MOB1A: variants seen among roughly 807,000 people sequenced by gnomAD.
MOB1A encodes the protein MOB kinase activator 1A, also known as MOB1 Mps One Binder homolog A.
Under a neutral mutation model 25.1 loss-of-function variants are expected in MOB1A, and 10 were observed. The observed-to-expected ratio is 0.40, with a 90% CI of 0.25 to 0.68. MOB1A has a LOEUF of 0.68. MOB1A is among the 30% of genes least tolerant of loss of function. MOB1A has a pLI of 0.40. For missense variants in MOB1A, 177 were observed against 256.3 expected, an observed-to-expected ratio of 0.69 and a Z score of 2.11; for synonymous variants, 81 against 79.5, an observed-to-expected ratio of 1.02 and a Z score of -0.10.
chr2:74,162,211 T>C (rs1018667615), intron 4 of MOB1A, among the ~76,000 whole-genome samples: 1 of 152,116 alleles, frequency 6.6e-6, no homozygotes, highest in African/African-American at 2.4e-5. Context: ...CCAGGCATGG[T>C]GGCTCATGCC....
intron 4 of MOB1A, among the ~76,000 whole-genome samples, chr2:74,162,099 T>G (rs746433863): frequency 1.3e-5 from 2 of 152,174 alleles, no homozygotes; most frequent in Non-Finnish European, 2.9e-5. Flanking sequence ...ACTAAATAAC[T>G]GGCAAAAGTA....
At position 74,152,892 on chromosome 2, in the gene MOB1A, G is replaced by C. The variant is rs1427724540; in HGVS notation, c.*3676C>G. On this transcript the variant is annotated 3_prime_UTR_variant, in exon 6 of 6. Transcript: ENST00000396049. ...TGTTTGGAACAGAATCTGATAATGAGAGAAAACTCAAATGAATGTCAGTGC... is the reference window on the plus strand; with the variant it reads ...TGTTTGGAACAGAATCTGATAATGACAGAAAACTCAAATGAATGTCAGTGC... 6.6e-6 allele frequency: 1 copy of C among 152,140 alleles called. No individual in the cohort carries two copies. Among genetic ancestry groups the C allele is most frequent in the African/African-American group, 2.4e-5 (1 of 41,434 alleles). 9.4% of individuals were successfully genotyped at this position (152,140 alleles called of 1,614,324 possible).
At chr2:74,177,261 C>G (rs1400231333) in intron 1 of MOB1A, among the ~76,000 whole-genome samples, 1 of 151,472 alleles carries the variant, frequency 6.6e-6, no homozygotes, top group Non-Finnish European at 1.5e-5. Context: ...TGCAGTGAGC[C>G]GAGACCGTGC....
At chr2:74,176,519 CT>C (rs1433033416) in intron 1 of MOB1A, among the ~76,000 whole-genome samples, 4 of 151,816 alleles carry the variant, frequency 2.6e-5, no homozygotes, top group Non-Finnish European at 5.9e-5. Flanking sequence ...AATCCCTGCA[CT>C]TTGGGAGGCC....
At chr2:74,174,095 G>A (rs182861492) in intron 1 of MOB1A, among the ~76,000 whole-genome samples, 262 of 144,010 alleles carry the variant, frequency 1.8e-3, no homozygotes, top group Non-Finnish European at 2.6e-3. Context: ...GTGAAACCCC[G>A]TCTCCACTAA....
At chr2:74,171,298 A>AT (rs1384860209) in intron 2 of MOB1A, among the ~76,000 whole-genome samples, 1 of 151,314 alleles carries the variant, frequency 6.6e-6, no homozygotes, top group African/African-American at 2.5e-5. Flanking sequence ...AAAAAATAAA[A>AT]TAAAAAAAAA....
At chr2:74,177,055 T>C (rs548397603) in intron 1 of MOB1A, among the ~76,000 whole-genome samples, 2 of 152,078 alleles carry the variant, frequency 1.3e-5, no homozygotes, top group Non-Finnish European at 2.9e-5. Flanking sequence ...GGCCAAGTTT[T>C]AAAAAAAGAA....
intron 4 of MOB1A, chr2:74,163,965 T>G (rs1490705096): frequency 6.6e-6 from 1 of 152,086 alleles, no homozygotes; most frequent in African/African-American, 2.4e-5. Context: ...TATCCCAGAA[T>G]AGCTGTGAAT....
chr2:74,176,856 A>G (rs1251647155), intron 1 of MOB1A, among the ~76,000 whole-genome samples: 2 of 152,116 alleles, frequency 1.3e-5, no homozygotes, highest in Non-Finnish European at 1.5e-5. Context: ...AAAATGGTGC[A>G]GCACTTTGAA....
At chr2:74,167,695 G>C (rs959289650) in intron 2 of MOB1A, among the ~76,000 whole-genome samples, 1 of 152,196 alleles carries the variant, frequency 6.6e-6, no homozygotes, top group African/African-American at 2.4e-5. Flanking sequence ...AGGTGCACCA[G>C]CTGTATCCAG....
Position 74,159,241 on chromosome 2 carries a change from G to T in MOB1A, c.423C>A (p.Pro141=). ...LFPSKIGVPF[P]KNFMSVAKTI... is the part of the protein sequence containing the mutation. ...TCTTTGCCACAGACATAAAGTTTTTGGGAAATGGGACACCTGCAATTAAAT... is the reference window on the plus strand; with the variant it reads ...TCTTTGCCACAGACATAAAGTTTTTTGGAAATGGGACACCTGCAATTAAAT... The change falls in exon 5 of 6, where the codon CCC becomes CCA. Residue 141 remains proline, a synonymous_variant. Transcript: ENST00000396049. 1 of 1,612,952 alleles carries T rather than the reference G, an allele frequency of 6.2e-7. No homozygotes were observed.
chr2:74,178,618 C>G, intron 1 of MOB1A, 43 bp downstream of exon 1: 1 of 1,371,298 alleles, frequency 7.3e-7, no homozygotes, highest in Non-Finnish European at 9.5e-7. Context: ...TCCCCCACAA[C>G]CTCGGCCCGC....
chr2:74,172,587 G>A lies in MOB1A; in HGVS notation c.180C>T (p.Asn60=). 1.2e-6 allele frequency: 2 copies of A among 1,610,442 alleles called. No homozygotes were observed. Among genetic ancestry groups the A allele is most frequent in the African/African-American group, 2.7e-5 (2 of 74,880 alleles). Residue 60 remains asparagine, a splice_region_variant and synonymous_variant, in exon 2 of 6, where the codon AAC becomes AAT. Transcript: ENST00000396049. ...GEDLNEWIAV[N]TVDFFNQINM... is the part of the protein sequence containing the mutation. ...GCAAAGTTACATTTTAAAACTTACT[G>A]TTCACAGCAATCCATTCATTGAGAT...
intron 1 of MOB1A, among the ~76,000 whole-genome samples, chr2:74,174,626 C>A (rs1336840944): frequency 6.6e-6 from 1 of 152,220 alleles, no homozygotes; most frequent in Non-Finnish European, 1.5e-5. Context: ...TCCTATCTCA[C>A]ACCATCCATA....
chr2:74,178,772 A>C lies in MOB1A; in HGVS notation c.-98T>G. ...AGCGGACCGTCCTTAGCTCACGGGC[A>C]GCGGAAGCCGGGCCGCCGCCGCTCG... On this transcript the variant is annotated 5_prime_UTR_variant, in exon 1 of 6. Coordinates refer to ENST00000396049, the MANE Select transcript of MOB1A (RefSeq NM_018221.5). The C allele has an allele frequency of 4.9e-6, 2 of 404,528 alleles. No individual in the cohort carries two copies. The highest frequency in any genetic ancestry group is 3.7e-6 in the Non-Finnish European group (1 of 268,040). 25.1% of individuals were successfully genotyped at this position (404,528 alleles called of 1,614,324 possible). A position where few individuals can be genotyped will look rare whatever the true frequency, so the allele number is the denominator to read the frequency against.
chr2:74,167,534 C>T (rs1170234463), intron 2 of MOB1A, among the ~76,000 whole-genome samples: 3 of 152,166 alleles, frequency 2.0e-5, no homozygotes, highest in African/African-American at 4.8e-5. Context: ...GGAGATAATT[C>T]TAACTTAACG....
rs1329849505 is a variant in MOB1A at position 74,155,396 on chromosome 2, TA to T, written c.*1171del. On this transcript the variant is annotated 3_prime_UTR_variant, in exon 6 of 6. Coordinates refer to ENST00000396049, the MANE Select transcript of MOB1A (RefSeq NM_018221.5). ...AATATTAACAAAATGAGGATTTTTT[TA>T]AAACTTATTTCTCCCATTTTGTTTC... 6.6e-6 allele frequency: 1 copy of T among 152,660 alleles called. No homozygotes were observed. Among genetic ancestry groups the T allele is most frequent in the Non-Finnish European group, 1.5e-5 (1 of 68,020 alleles). The allele number at this position is 152,660 out of a possible 1,614,324, so 9.5% of individuals were successfully genotyped here.
intron 4 of MOB1A, 122 bp downstream of exon 4, chr2:74,165,096 G>C (rs1693090532): frequency 3.3e-6 from 2 of 612,036 alleles, no homozygotes; most frequent in Non-Finnish European, 5.1e-6. Flanking sequence ...AAGGCAGGAG[G>C]ATCACTTGAG....
Position 74,166,944 on chromosome 2 carries a change from G to A in MOB1A, c.275+70C>T, listed in dbSNP as rs1027851117. On this transcript the variant is annotated intron_variant, in intron 3 of 5. Transcript: ENST00000396049. The stretch of plus-strand genomic sequence containing the variant: ...CACAAACGGATAACAAATCTTAACT[G>A]TTTAATTTCTATCAATTGGTGATAA... 1.9e-5 allele frequency: 22 copies of A among 1,132,808 alleles called. No homozygotes were observed. In the African/African-American group the frequency reaches 2.6e-4, roughly 14 times the overall value. The allele number at this position is 1,132,808 out of a possible 1,614,324, so 70.2% of individuals were successfully genotyped here.
Sources: allele counts gnomAD v4.1 joint callset (sites outside exome capture counted in the v4.1 genomes callset), GRCh38; gene constraint gnomAD v4.1.1; transcripts MANE v1.5; gene names NCBI Gene and HGNC (gene_info 2026-07-23, HGNC 2026-07-21).